Variants in TMEM266 observed in about 807,000 individuals in gnomAD.
The protein encoded by TMEM266 is transmembrane protein 266.
TMEM266 carries 33 observed loss-of-function variants against 50.5 expected under a neutral mutation model. The ratio of observed to expected loss-of-function variants is 0.65; its 90% CI spans 0.50 to 0.87. The LOEUF is 0.87. Ranked by LOEUF, TMEM266 falls within the 40% of genes least tolerant of loss-of-function variation. The probability of loss-of-function intolerance (pLI) is 0.00; values close to 1 mark genes in which losing one functional copy is unlikely to be tolerated. For missense variants in TMEM266, 655 were observed against 695.1 expected (o/e 0.94, Z 0.65); for synonymous variants, 310 against 292.3 (o/e 1.06, Z -0.62).
At chr15:76,120,609 A>C (rs1350404298) in intron 1 of TMEM266, among the ~76,000 whole-genome samples, 3 of 151,870 alleles carry the variant, frequency 2.0e-5, no homozygotes, top group Admixed American at 6.6e-5. Context: ...AAAAATACAA[A>C]AATTATCTGG....
chr15:76,184,259 T>A (rs2142074932), intron 8 of TMEM266, among the ~76,000 whole-genome samples: 1 of 152,320 alleles, frequency 6.6e-6, no homozygotes, highest in Non-Finnish European at 1.5e-5. Flanking sequence ...AAATTTTTTT[T>A]AAGATGGGAA....
At chr15:76,103,147 A>T (rs940606913) in intron 1 of TMEM266, among the ~76,000 whole-genome samples, 14 of 152,008 alleles carry the variant, frequency 9.2e-5, no homozygotes, top group Non-Finnish European at 1.9e-4. Context: ...CAGTGGTACA[A>T]TTTGGGAGGT....
chr15:76,137,717 G>A lies in TMEM266; in HGVS notation c.49G>A (p.Glu17Lys). The A allele has an allele frequency of 1.9e-6, 3 of 1,614,132 alleles. No individual in the cohort carries two copies. The highest frequency in any genetic ancestry group is 2.5e-6 in the Non-Finnish European group (3 of 1,179,986). Reference sequence around the variant, plus strand: ...TCCTCTCCAACCCAGGCCTGCCATAGAAGGAGGAATTTCTGAAGTTGAGAT... The same window carrying A: ...TCCTCTCCAACCCAGGCCTGCCATAAAAGGAGGAATTTCTGAAGTTGAGAT... Residue 17 changes from glutamate to lysine, a missense_variant, in exon 3 of 11, where the codon GAA (glutamate) becomes AAA (lysine). By Grantham distance (56) the Glu-to-Lys change is moderately conservative. Transcript: ENST00000388942.
intron 3 of TMEM266, among the ~76,000 whole-genome samples, chr15:76,150,801 C>T (rs1192238633): frequency 6.6e-6 from 1 of 152,252 alleles, no homozygotes; most frequent in African/African-American, 2.4e-5. Context: ...CCAGCTCCTT[C>T]CAGGTCACCC....
At position 76,067,706 on chromosome 15, in the gene TMEM266, T is replaced by A. The variant is rs74904148; in HGVS notation, c.-97+7690T>A. On this transcript the variant is annotated intron_variant, in intron 1 of 10. Coordinates refer to ENST00000388942, the MANE Select transcript of TMEM266 (RefSeq NM_152335.3). The stretch of plus-strand genomic sequence containing the variant: ...TCTTGGGTTTTTTTTTTTTTGGCAT[T>A]GTATTTAAGAGCTTAAAGTATGCAA... Among the ~76,000 whole-genome samples the A allele has an allele frequency of 3.1e-3, 462 of 150,146 alleles. 18 individuals carry two copies. The East Asian group carries it at 0.087, about 28-fold the overall frequency.
At chr15:76,061,281 TGTACCAG>T (rs2036298140) in intron 1 of TMEM266, among the ~76,000 whole-genome samples, 2 of 152,256 alleles carry the variant, frequency 1.3e-5, no homozygotes, top group Admixed American at 6.5e-5. Flanking sequence ...AATGTTCATA[TGTACCAG>T]GTACTGAGCT....
intron 8 of TMEM266, 156 bp downstream of exon 8, chr15:76,175,830 G>T (rs2038267634): frequency 1.7e-6 from 1 of 594,276 alleles, no homozygotes; most frequent in East Asian, 3.0e-5. Context: ...CCAGAGAAGG[G>T]GACACATCTC....
chr15:76,193,951 A>G (rs1408026936), intron 9 of TMEM266, among the ~76,000 whole-genome samples: 2 of 152,210 alleles, frequency 1.3e-5, no homozygotes, highest in African/African-American at 4.8e-5. Flanking sequence ...CTCTCAGAGT[A>G]ATATCCACAA....
rs1053387757 is a variant in TMEM266 at position 76,105,233 on chromosome 15, G to A, written c.-96-28935G>A. On this transcript the variant is annotated intron_variant, in intron 1 of 10. Coordinates refer to ENST00000388942, the MANE Select transcript of TMEM266 (RefSeq NM_152335.3). ...TGTACTCCAGCCTGAGTGACACAGCGAGACTCCATCTCAAAAAAAAAGTAA... is the reference window on the plus strand; with the variant it reads ...TGTACTCCAGCCTGAGTGACACAGCAAGACTCCATCTCAAAAAAAAAGTAA... Among the ~76,000 whole-genome samples the A allele has an allele frequency of 4.0e-5, 6 of 151,824 alleles. No homozygotes were observed. The East Asian group carries it at 5.8e-4, about 15-fold the overall frequency.
At position 76,136,344 on chromosome 15, in the gene TMEM266, G is replaced by A. The variant is rs75614304; in HGVS notation, c.39-1363G>A. 6.8e-4 allele frequency among the ~76,000 whole-genome samples: 103 copies of A among 152,300 alleles called. 1 individual carries two copies. The East Asian group carries it at 0.017, about 25-fold the overall frequency. On this transcript the variant is annotated intron_variant, in intron 2 of 10. Transcript: ENST00000388942. ...GGACTTGTCACTCTGGAGCTCCTCC[G>A]ATCTTCTCCATATGTCTGTCACCTA...
At chr15:76,191,607 G>A (rs2142081609) in intron 8 of TMEM266, 1 of 194,252 alleles carries the variant, frequency 5.1e-6, no homozygotes, top group Middle Eastern at 1.9e-3. Flanking sequence ...ACCCCTTGGG[G>A]TCACACATCT....
At chr15:76,202,139 A>G (rs969781132) in intron 9 of TMEM266, 63 bp from the exon 10 acceptor site, 1 of 1,407,982 alleles carries the variant, frequency 7.1e-7, no homozygotes, top group Non-Finnish European at 9.9e-7. Context: ...GGGTGGGGAC[A>G]GGAGTATAAG....
chr15:76,173,345 A>C (rs992715760), intron 7 of TMEM266, among the ~76,000 whole-genome samples: 1 of 152,130 alleles, frequency 6.6e-6, no homozygotes, highest in South Asian at 2.1e-4. Context: ...GAGGCTTCTG[A>C]AGAGTCAGGA....
At chr15:76,192,992 C>T (rs2038604751) in intron 9 of TMEM266, among the ~76,000 whole-genome samples, 1 of 152,196 alleles carries the variant, frequency 6.6e-6, no homozygotes, top group African/African-American at 2.4e-5. Flanking sequence ...ATGCCGTGTC[C>T]CCTGCAGGGC....
intron 1 of TMEM266, among the ~76,000 whole-genome samples, chr15:76,086,962 C>G (rs1463110597): frequency 6.6e-6 from 1 of 151,420 alleles, no homozygotes; most frequent in Non-Finnish European, 1.5e-5. Flanking sequence ...AAGGGAGTAC[C>G]CTCTGGTCCT....
At chr15:76,196,095 T>C (rs2038651542) in intron 9 of TMEM266, among the ~76,000 whole-genome samples, 1 of 152,182 alleles carries the variant, frequency 6.6e-6, no homozygotes, top group African/African-American at 2.4e-5. Context: ...TCACGGGGTC[T>C]GCAGTGTCCC....
chr15:76,129,843 C>T (rs1403777010), intron 1 of TMEM266, among the ~76,000 whole-genome samples: 1 of 151,988 alleles, frequency 6.6e-6, no homozygotes, highest in Non-Finnish European at 1.5e-5. Context: ...TGTGTGGCCT[C>T]TTTGGCTCCT....
chr15:76,063,482 T>A (rs1366495502), intron 1 of TMEM266, among the ~76,000 whole-genome samples: 1 of 152,134 alleles, frequency 6.6e-6, no homozygotes, highest in Non-Finnish European at 1.5e-5. Context: ...AATGGTTCTC[T>A]CCCCTGGAAT....
chr15:76,109,576 C>T (rs1000124591), intron 1 of TMEM266, among the ~76,000 whole-genome samples: 10 of 152,154 alleles, frequency 6.6e-5, no homozygotes, highest in Non-Finnish European at 1.3e-4. Context: ...GCAGGAGGAT[C>T]GCTTGAGCCC....
Sources: gnomAD v4.1 joint callset for allele counts (sites outside exome capture counted in the v4.1 genomes callset) on GRCh38, gnomAD v4.1.1 for gene constraint, MANE v1.5 for transcripts, NCBI Gene and HGNC (gene_info 2026-07-23, HGNC 2026-07-21) for gene names.